Variants in MPP7 observed in about 807,000 individuals in gnomAD.
The protein encoded by MPP7 is MAGUK p55 scaffold protein 7, also known as MAGUK p55 subfamily member 7.
Under a neutral mutation model 76.5 loss-of-function variants are expected in MPP7, and 60 were observed. The observed-to-expected ratio is 0.78, with a 90% CI of 0.64 to 0.97. The LOEUF (loss-of-function observed/expected upper bound fraction) is 0.97, where lower values mean the gene tolerates loss of function less well. MPP7 is among the 50% of genes least tolerant of loss of function. The pLI, the probability that MPP7 is intolerant of heterozygous loss-of-function variation, is 0.00. For synonymous variants in MPP7, 237 were observed against 244.5 expected, an observed-to-expected ratio of 0.97 and a Z score of 0.29; for missense variants, 641 against 694.0, an observed-to-expected ratio of 0.92 and a Z score of 0.86.
At chr10:28,056,450 C>T (rs775707741) in intron 16 of MPP7, 30 bp downstream of exon 16, 171 of 1,600,108 alleles carry the variant, frequency 1.1e-4, no homozygotes, top group Non-Finnish European at 1.4e-4. Flanking sequence ...TGGGCCACCA[C>T]ACCTGGCCCC....
At chr10:28,313,379 A>C (rs1363597926) in intron 2 of MPP7, among the ~76,000 whole-genome samples, 2 of 151,996 alleles carry the variant, frequency 1.3e-5, no homozygotes, top group African/African-American at 4.8e-5. Flanking sequence ...GGTGACACAC[A>C]CCTGTAATCC....
intron 1 of MPP7, among the ~76,000 whole-genome samples, chr10:28,257,749 A>T: frequency 6.8e-6 from 1 of 148,044 alleles, no homozygotes; most frequent in East Asian, 1.9e-4. Context: ...GTATAATAAA[A>T]AAAAAAAAAA....
intron 3 of MPP7, among the ~76,000 whole-genome samples, chr10:28,189,904 A>G (rs1353053879): frequency 6.6e-6 from 1 of 152,100 alleles, no homozygotes; most frequent in Non-Finnish European, 1.5e-5. Context: ...AAAAAGAAAG[A>G]CCCAACTCCC....
intron 5 of MPP7, among the ~76,000 whole-genome samples, chr10:28,133,377 CCT>C (rs1287650382): frequency 6.6e-6 from 1 of 152,192 alleles, no homozygotes; most frequent in Admixed American, 6.5e-5. Flanking sequence ...CTGCCCTCCT[CCT>C]CATTCAACTT....
At chr10:28,247,244 TGAC>T (rs1839465973) in intron 1 of MPP7, among the ~76,000 whole-genome samples, 2 of 152,228 alleles carry the variant, frequency 1.3e-5, no homozygotes, top group African/African-American at 4.8e-5. Context: ...ATGTGTTTAC[TGAC>T]AACAGACTCA....
rs192751940 is a variant in MPP7, at chr10:28,284,865, T to C, written c.-132+17996A>G. Among the ~76,000 whole-genome samples, 21 of 152,352 alleles carry C rather than the reference T, an allele frequency of 1.4e-4. No homozygotes were observed. The East Asian group carries it at 4.0e-3, about 29-fold the overall frequency. On this transcript the variant is annotated intron_variant, in intron 1 of 16. Transcript: ENST00000683449. ...TAATGACATGCAATGAATACATCAT[T>C]CTAAAGACAAGAACAAGTGTTTTAA... is the stretch of plus-strand genomic sequence containing the variant.
chr10:28,302,644 G>A (rs1490896393), intron 1 of MPP7, among the ~76,000 whole-genome samples: 2 of 152,012 alleles, frequency 1.3e-5, no homozygotes, highest in African/African-American at 4.8e-5. Flanking sequence ...TCCCGCCCGA[G>A]GCGGCCCCGC....
At chr10:28,084,739 C>G (rs1852923879) in intron 12 of MPP7, among the ~76,000 whole-genome samples, 1 of 152,170 alleles carries the variant, frequency 6.6e-6, no homozygotes, top group Admixed American at 6.5e-5. Flanking sequence ...AGACTTATCC[C>G]AGGTTGACCA....
chr10:28,318,806 A>G (rs190275788), intron 2 of MPP7, among the ~76,000 whole-genome samples: 158 of 152,360 alleles, frequency 1.0e-3, no homozygotes, highest in Non-Finnish European at 1.1e-3. Flanking sequence ...GCTTAAGTGA[A>G]GCCAAATTCA....
intron 1 of MPP7, among the ~76,000 whole-genome samples, chr10:28,283,766 C>T (rs866731181): frequency 6.6e-6 from 1 of 152,164 alleles, no homozygotes; most frequent in African/African-American, 2.4e-5. Context: ...TCACCCACCT[C>T]GGCCTCCCAA....
At chr10:28,111,582 G>A (rs1347863544) in intron 11 of MPP7, among the ~76,000 whole-genome samples, 2 of 151,982 alleles carry the variant, frequency 1.3e-5, no homozygotes, top group Non-Finnish European at 2.9e-5. Context: ...AAGAAAAAAG[G>A]ATATTAGAAA....
intron 12 of MPP7, among the ~76,000 whole-genome samples, chr10:28,085,188 C>T (rs1852945905): frequency 6.6e-6 from 1 of 152,172 alleles, no homozygotes; most frequent in Non-Finnish European, 1.5e-5. Context: ...AAGTAGGGTT[C>T]TGGTGTCCAC....
chr10:28,262,050 C>T (rs980795887), intron 1 of MPP7, among the ~76,000 whole-genome samples: 1 of 150,638 alleles, frequency 6.6e-6, no homozygotes, highest in Non-Finnish European at 1.5e-5. Flanking sequence ...ACTCAGGAGG[C>T]TGAGGCAGGA....
chr10:28,302,051 GCCC>G (rs545418582), intron 1 of MPP7, among the ~76,000 whole-genome samples: 2 of 151,886 alleles, frequency 1.3e-5, no homozygotes, highest in Non-Finnish European at 2.9e-5. Context: ...TTTTTAGAGA[GCCC>G]CCCCTTTTTT....
intron 2 of MPP7, among the ~76,000 whole-genome samples, chr10:28,312,800 T>C (rs1463535314): frequency 6.6e-6 from 1 of 152,260 alleles, no homozygotes; most frequent in Non-Finnish European, 1.5e-5. Context: ...GCACCACTTA[T>C]GTTATCCTAG....
chr10:28,075,098 G>A (rs1360828463), intron 12 of MPP7, among the ~76,000 whole-genome samples: 1 of 152,012 alleles, frequency 6.6e-6, no homozygotes, highest in East Asian at 1.9e-4. Context: ...GGCGGGAGCA[G>A]GAAGAAGGGG....
intron 1 of MPP7, among the ~76,000 whole-genome samples, chr10:28,262,246 T>C (rs1487035875): frequency 3.2e-5 from 2 of 63,016 alleles, no homozygotes; most frequent in African/African-American, 9.2e-5. Context: ...TATATATACA[T>C]ATATATATAT....
chr10:28,333,344 C>A (rs1054837513), intron 1 of MPP7, among the ~76,000 whole-genome samples: 1 of 152,066 alleles, frequency 6.6e-6, no homozygotes, highest in African/African-American at 2.4e-5. Context: ...CAGGGTTTTG[C>A]CATTTGGCCA....
At chr10:28,193,879 TAAA>T (rs34829059) in intron 3 of MPP7, among the ~76,000 whole-genome samples, 72,445 of 148,856 alleles carry the variant, frequency 0.49, 20,054 homozygotes, top group Middle Eastern at 0.72. Flanking sequence ...TGGCTAAAAT[TAAA>T]AAAAAAAAAA....
Sources: allele counts gnomAD v4.1 joint callset (sites outside exome capture counted in the v4.1 genomes callset), GRCh38; gene constraint gnomAD v4.1.1; transcripts MANE v1.5; gene names NCBI Gene and HGNC (gene_info 2026-07-23, HGNC 2026-07-21).